The following ZBTB49 variants were observed in gnomAD, a reference collection of about 807,000 sequenced individuals.
ZBTB49 encodes the protein zinc finger and BTB domain-containing protein 49.
A neutral mutation model predicts 57.5 loss-of-function variants in ZBTB49; 43 were observed. That is an observed-to-expected ratio of 0.75 (90% CI 0.59 to 0.97). ZBTB49 has a LOEUF of 0.97. Among genes scored for constraint, ZBTB49 ranks in the 50% least tolerant of loss-of-function variants. ZBTB49 has a pLI of 0.00. For missense variants in ZBTB49, 938 were observed against 947.7 expected (o/e 0.99, Z 0.13); for synonymous variants, 369 against 362.1 (o/e 1.02, Z -0.22).
intron 2 of ZBTB49, among the ~76,000 whole-genome samples, chr4:4,300,796 A>AG (rs964817644): frequency 6.6e-6 from 1 of 151,708 alleles, no homozygotes; most frequent in Non-Finnish European, 1.5e-5. Context: ...AAAAAAAAAA[A>AG]ATTGTTAGAG....
rs1243201478 is a variant in ZBTB49 at position 4,291,599 on chromosome 4, A to T, written c.-20+1247A>T. The stretch of plus-strand genomic sequence containing the variant: ...CAGGAGGCTTAAAAGCAGGGTGCTC[A>T]AGATGTTTTTTGTGTTCAGGGCACA... On this transcript the variant is annotated intron_variant, in intron 1 of 7. Coordinates refer to ENST00000337872, the MANE Select transcript of ZBTB49 (RefSeq NM_145291.4). Among the ~76,000 whole-genome samples the T allele has an allele frequency of 2.6e-5, 4 of 152,220 alleles. 1 individual carries two copies. Among genetic ancestry groups the T allele is most frequent in the Non-Finnish European group, 5.9e-5 (4 of 68,040 alleles).
At chr4:4,294,917 T>TGTGTGTGTG (rs1720122184) in intron 1 of ZBTB49, among the ~76,000 whole-genome samples, 1 of 84,724 alleles carries the variant, frequency 1.2e-5, no homozygotes, top group African/African-American at 3.7e-5. Flanking sequence ...GTGTGTGTGT[T>TGTGTGTGTG]TAATGTCTTT....
chr4:4,293,471 C>G (rs1454462287), intron 1 of ZBTB49, among the ~76,000 whole-genome samples: 3 of 152,240 alleles, frequency 2.0e-5, no homozygotes, highest in Non-Finnish European at 4.4e-5. Flanking sequence ...GATTCCCTGG[C>G]TCTGAATCCC....
intron 4 of ZBTB49, among the ~76,000 whole-genome samples, chr4:4,311,480 AAC>A (rs1298337673): frequency 1.3e-5 from 2 of 152,356 alleles, no homozygotes; most frequent in East Asian, 3.9e-4. Context: ...GAATATTCAA[AAC>A]ACACTATTTC....
At chr4:4,299,426 C>T (rs771696376) in intron 1 of ZBTB49, among the ~76,000 whole-genome samples, 8 of 151,380 alleles carry the variant, frequency 5.3e-5, no homozygotes. Flanking sequence ...ATTCAGTGAC[C>T]TGTGTACAGG....
At chr4:4,303,762 G>C (rs200121231) in intron 3 of ZBTB49, among the ~76,000 whole-genome samples, 59 of 33,218 alleles carry the variant, frequency 1.8e-3, no homozygotes, top group East Asian at 5.9e-3. Flanking sequence ...CTCTCTCTCT[G>C]TGTGTGTGTC....
At chr4:4,298,454 T>C (rs1238547047) in intron 1 of ZBTB49, among the ~76,000 whole-genome samples, 1 of 96,932 alleles carries the variant, frequency 1.0e-5, no homozygotes, top group Non-Finnish European at 2.5e-5. Flanking sequence ...GGGGTCTCTC[T>C]CTGTCACCCA....
chr4:4,314,083 C>T (rs746117438), intron 5 of ZBTB49, among the ~76,000 whole-genome samples: 3 of 152,194 alleles, frequency 2.0e-5, no homozygotes, highest in African/African-American at 4.8e-5. Flanking sequence ...GAGGAGGAAG[C>T]GACTCTCGAT....
At chr4:4,318,356 C>G (rs1721272820) in intron 7 of ZBTB49, among the ~76,000 whole-genome samples, 1 of 152,196 alleles carries the variant, frequency 6.6e-6, no homozygotes, top group South Asian at 2.1e-4. Context: ...TGGCTCACGC[C>G]TGTAATCCCA....
chr4:4,316,903 T>A (rs2108900345), intron 7 of ZBTB49, among the ~76,000 whole-genome samples: 1 of 152,350 alleles, frequency 6.6e-6, no homozygotes, highest in African/African-American at 2.4e-5. Flanking sequence ...CCTACTGTGG[T>A]GGCGTTCGCC....
intron 5 of ZBTB49, among the ~76,000 whole-genome samples, chr4:4,313,489 C>G (rs1721064854): frequency 6.6e-6 from 1 of 152,110 alleles, no homozygotes; most frequent in African/African-American, 2.4e-5. Context: ...AGCTGAGTGA[C>G]TAGATTTCAG....
intron 1 of ZBTB49, among the ~76,000 whole-genome samples, chr4:4,295,225 T>C (rs113345346): frequency 0.068 from 10,415 of 152,064 alleles, 911 homozygotes; most frequent in East Asian, 0.32. Context: ...GAGGAGGCCT[T>C]GGGAAACTTA....
chr4:4,315,150 C>T (rs916371361), intron 5 of ZBTB49, among the ~76,000 whole-genome samples: 4 of 152,180 alleles, frequency 2.6e-5, no homozygotes, highest in South Asian at 4.1e-4. Flanking sequence ...GAGCGAGAGT[C>T]GCACCTGGCT....
At chr4:4,317,582 G>A (rs1376082173) in intron 7 of ZBTB49, among the ~76,000 whole-genome samples, 2 of 152,056 alleles carry the variant, frequency 1.3e-5, no homozygotes, top group African/African-American at 4.8e-5. Flanking sequence ...CATACAACAC[G>A]GGGTATTTTG....
chr4:4,320,263 A>G (rs1721351277), intron 7 of ZBTB49, among the ~76,000 whole-genome samples: 1 of 152,164 alleles, frequency 6.6e-6, no homozygotes, highest in South Asian at 2.1e-4. Context: ...CTCAAAACCC[A>G]AAGGCTGTCT....
At chr4:4,295,851 G>A (rs796224573) in intron 1 of ZBTB49, among the ~76,000 whole-genome samples, 17 of 152,302 alleles carry the variant, frequency 1.1e-4, no homozygotes, top group African/African-American at 2.6e-4. Flanking sequence ...ATAAGGTCTC[G>A]ATTTGATAGG....
intron 5 of ZBTB49, among the ~76,000 whole-genome samples, chr4:4,314,150 C>T (rs972440829): frequency 6.6e-6 from 1 of 152,182 alleles, no homozygotes. Context: ...AAAGCTGCGG[C>T]GGGCAGCGCA....
intron 5 of ZBTB49, among the ~76,000 whole-genome samples, chr4:4,314,025 A>T (rs2108895883): frequency 6.6e-6 from 1 of 152,378 alleles, no homozygotes; most frequent in East Asian, 1.9e-4. Context: ...GGGGTCAGTT[A>T]GAAGTCAGTG....
At chr4:4,291,827 C>T (rs6857195) in intron 1 of ZBTB49, among the ~76,000 whole-genome samples, 15,974 of 152,228 alleles carry the variant, frequency 0.1, 2,306 homozygotes, top group African/African-American at 0.33. Context: ...TCTGCTTCCT[C>T]CATTTAATAA....
Sources: allele counts gnomAD v4.1 joint callset (sites outside exome capture counted in the v4.1 genomes callset), GRCh38; gene constraint gnomAD v4.1.1; transcripts MANE v1.5; gene names NCBI Gene and HGNC (gene_info 2026-07-23, HGNC 2026-07-21).